PGM5: variants seen among roughly 807,000 people sequenced by gnomAD.
PGM5 encodes phosphoglucomutase 5, also known as phosphoglucomutase-like protein 5.
A neutral mutation model predicts 59.2 loss-of-function variants in PGM5; 23 were observed. That is an observed-to-expected ratio of 0.39 (90% CI 0.28 to 0.55). The LOEUF (loss-of-function observed/expected upper bound fraction) is 0.55, where lower values mean the gene tolerates loss of function less well. Among genes scored for constraint, PGM5 ranks in the 20% least tolerant of loss-of-function variants. The pLI is 0.66. For synonymous variants in PGM5, 214 were observed against 286.0 expected (o/e 0.75, Z 2.54); for missense variants, 574 against 748.3 (o/e 0.77, Z 2.72).
intron 6 of PGM5, among the ~76,000 whole-genome samples, chr9:68,442,285 T>C (rs1823540129): frequency 6.6e-6 from 1 of 151,572 alleles, no homozygotes; most frequent in African/African-American, 2.4e-5. Context: ...TCACACTTTA[T>C]TTTTTTCTTT....
intron 7 of PGM5, among the ~76,000 whole-genome samples, chr9:68,477,930 T>G (rs1410459707): frequency 6.6e-6 from 1 of 152,210 alleles, no homozygotes; most frequent in East Asian, 1.9e-4. Context: ...TTGATTAAGT[T>G]GATACAACAA....
chr9:68,457,280 T>TC (rs1446240890), intron 6 of PGM5, among the ~76,000 whole-genome samples: 1 of 152,186 alleles, frequency 6.6e-6, no homozygotes, highest in African/African-American at 2.4e-5. Context: ...CATTCTTTAT[T>TC]CCCCCCTCAT....
At chr9:68,421,040 C>A (rs996448774) in intron 6 of PGM5, among the ~76,000 whole-genome samples, 38 of 152,086 alleles carry the variant, frequency 2.5e-4, no homozygotes, top group African/African-American at 9.2e-4. Context: ...AAAGCTAGGT[C>A]GACGAATAAT....
intron 7 of PGM5, among the ~76,000 whole-genome samples, chr9:68,471,719 G>A (rs1312839616): frequency 6.6e-6 from 1 of 151,742 alleles, no homozygotes; most frequent in African/African-American, 2.4e-5. Context: ...AGGAGTTCAA[G>A]ACCAGCCTGG....
chr9:68,384,936 C>A (rs1822176077), intron 3 of PGM5, among the ~76,000 whole-genome samples: 1 of 151,542 alleles, frequency 6.6e-6, no homozygotes, highest in African/African-American at 2.4e-5. Context: ...GTAGGAGTTT[C>A]TTTTCCAAGC....
intron 7 of PGM5, among the ~76,000 whole-genome samples, chr9:68,467,072 GA>G (rs1823946591): frequency 6.6e-6 from 1 of 152,198 alleles, no homozygotes; most frequent in Admixed American, 6.5e-5. Context: ...TGGGGGAGCA[GA>G]AGGGCTTCAT....
Position 68,456,459 on chromosome 9 carries a change from T to C in PGM5, c.1044-8634T>C, listed in dbSNP as rs1488093025. Among the ~76,000 whole-genome samples the C allele has an allele frequency of 1.4e-4, 21 of 149,584 alleles. 1 individual carries two copies. The highest frequency in any genetic ancestry group is 4.0e-4 in the Admixed American group (6 of 15,064). ...CCGAGTAGCTGGGACTACAGGTGCC[T>C]GCCACCACGCCTGGCTAATTTTTTT... On this transcript the variant is annotated intron_variant, in intron 6 of 10. Transcript: ENST00000396396.
chr9:68,500,044 T>C (rs1404514483), intron 10 of PGM5, among the ~76,000 whole-genome samples: 6 of 152,208 alleles, frequency 3.9e-5, no homozygotes, highest in Admixed American at 2.0e-4. Context: ...CTTCAAGCTA[T>C]ACAGCTGGCT....
At chr9:68,483,295 C>A in intron 8 of PGM5, among the ~76,000 whole-genome samples, 1 of 152,214 alleles carries the variant, frequency 6.6e-6, no homozygotes, top group Middle Eastern at 3.4e-3. Flanking sequence ...GAGAAGAAGA[C>A]GAGTGGGGAA....
At chr9:68,495,287 A>G (rs1824465173) in intron 9 of PGM5, among the ~76,000 whole-genome samples, 1 of 152,256 alleles carries the variant, frequency 6.6e-6, no homozygotes, top group African/African-American at 2.4e-5. Context: ...TAGGGAATAT[A>G]TAAGTAAGAG....
chr9:68,489,321 C>G (rs75849979), intron 9 of PGM5, among the ~76,000 whole-genome samples: 3,319 of 152,246 alleles, frequency 0.022, 39 homozygotes, highest in African/African-American at 0.042. Context: ...AATCCAGAAC[C>G]ATGACCTATA....
At chr9:68,505,651 G>A (rs797030801) in intron 10 of PGM5, among the ~76,000 whole-genome samples, 10 of 152,348 alleles carry the variant, frequency 6.6e-5, no homozygotes, top group African/African-American at 2.4e-4. Context: ...AGGGCCAGGT[G>A]TGGAGAAGGA....
intron 10 of PGM5, among the ~76,000 whole-genome samples, chr9:68,505,203 T>C (rs879969777): frequency 1.3e-5 from 2 of 152,200 alleles, no homozygotes; most frequent in Non-Finnish European, 2.9e-5. Flanking sequence ...ATCCACATTG[T>C]CCATGTTAAC....
chr9:68,444,078 T>G (rs1823573334), intron 6 of PGM5, among the ~76,000 whole-genome samples: 3 of 151,002 alleles, frequency 2.0e-5, no homozygotes, highest in South Asian at 4.2e-4. Context: ...TTTTTTTTTT[T>G]GGATCACTTT....
At chr9:68,527,332 T>C (rs137903093) in intron 10 of PGM5, among the ~76,000 whole-genome samples, 1 of 152,382 alleles carries the variant, frequency 6.6e-6, no homozygotes, top group Non-Finnish European at 1.5e-5. Context: ...TTTATCTTTA[T>C]TCACCCTCTA....
chr9:68,439,301 G>A (rs1554683536), intron 6 of PGM5, among the ~76,000 whole-genome samples: 1 of 151,598 alleles, frequency 6.6e-6, no homozygotes, highest in African/African-American at 2.4e-5. Context: ...GGAGGGACAA[G>A]GCTGCAGTGA....
At chr9:68,372,927 AT>A (rs1326612977) in intron 1 of PGM5, among the ~76,000 whole-genome samples, 1 of 152,168 alleles carries the variant, frequency 6.6e-6, no homozygotes, top group African/African-American at 2.4e-5. Context: ...GTGCTAGACC[AT>A]TCATGAGGGA....
chr9:68,419,096 A>G (rs76040371), intron 6 of PGM5, among the ~76,000 whole-genome samples: 7,036 of 152,282 alleles, frequency 0.046, 193 homozygotes, highest in African/African-American at 0.056. Context: ...ATCAGATCAA[A>G]GAAATCTGGT....
chr9:68,404,247 C>G (rs1554680925), intron 6 of PGM5, among the ~76,000 whole-genome samples: 1 of 152,140 alleles, frequency 6.6e-6, no homozygotes, highest in African/African-American at 2.4e-5. Flanking sequence ...ATGCCTCAGC[C>G]TCCCGAGCAG....
Sources: allele counts gnomAD v4.1 joint callset (sites outside exome capture counted in the v4.1 genomes callset), GRCh38; gene constraint gnomAD v4.1.1; transcripts MANE v1.5; gene names NCBI Gene and HGNC (gene_info 2026-07-23, HGNC 2026-07-21).